The following DCHS1 variants were observed in gnomAD, a reference collection of about 807,000 sequenced individuals.
The protein encoded by DCHS1 is dachsous cadherin-related 1.
Under a neutral mutation model 213.9 loss-of-function variants are expected in DCHS1, and 78 were observed. The observed-to-expected ratio is 0.36, with a 90% CI of 0.30 to 0.44. The LOEUF (loss-of-function observed/expected upper bound fraction) is 0.44, where lower values mean the gene tolerates loss of function less well. Among genes scored for constraint, DCHS1 ranks in the 20% least tolerant of loss-of-function variants. The pLI is 1.00. For missense variants in DCHS1, 3,946 were observed against 4,395.9 expected (o/e 0.90, Z 2.89); for synonymous variants, 1,828 against 1,873.7 (o/e 0.98, Z 0.63).
In DCHS1 at chr11:6,630,484, G is replaced by T; in HGVS notation, c.4310C>A (p.Ala1437Glu). 6.5e-7 allele frequency: 1 copy of T among 1,533,232 alleles called. No individual in the cohort carries two copies. Among genetic ancestry groups the T allele is most frequent in the South Asian group, 1.2e-5 (1 of 84,656 alleles). The allele number at this position is 1,533,232 out of a possible 1,614,324, so 95.0% of individuals were successfully genotyped here. Residue 1437 changes from alanine (A) to glutamate (E), a missense_variant, in exon 10 of 21, where the codon GCG becomes GAG. Around this residue, in one of 3 missense-constraint regions of DCHS1, gnomAD observed 3,384 missense variants for 3,780.1 expected, o/e 0.90. Coordinates refer to ENST00000299441, the MANE Select transcript of DCHS1 (RefSeq NM_003737.4). ...QDENEHAPAF[A>E]RDPLALALPE... is the part of the protein sequence containing the mutation. ...CAGCGCCAGCGCCAGCGGGTCGCGC[G>T]CAAAGGCGGGCGCATGCTCATTCTC... is the stretch of plus-strand genomic sequence containing the variant.
In DCHS1 at chr11:6,624,262, G is replaced by T. The variant is rs545691846; in HGVS notation, c.7414C>A (p.Leu2472Met). The change falls in exon 21 of 21, where the codon CTG becomes ATG. Residue 2472 changes from leucine to methionine, a missense_variant. Leu to Met is a conservative substitution (Grantham distance 15). Coordinates refer to ENST00000299441, the MANE Select transcript of DCHS1 (RefSeq NM_003737.4). ...RAARATVHVQLQDQNDHAPSF... is the reference protein window; with the variant it reads ...RAARATVHVQMQDQNDHAPSF... ...GGGGCGTGGTCGTTCTGGTCCTGCA[G>T]CTGCACGTGCACTGTGGCTCGTGCT... is the stretch of plus-strand genomic sequence containing the variant. 6.2e-7 allele frequency: 1 copy of T among 1,611,548 alleles called. No individual in the cohort carries two copies. The highest frequency in any genetic ancestry group is 1.1e-5 in the South Asian group (1 of 90,652).
Position 6,640,931 on chromosome 11 carries a change from T to C in DCHS1, c.683A>G (p.Tyr228Cys), listed in dbSNP as rs146693870. ...RSHYMLQLEAYDGGSPPRRAQ... is the reference protein window; with the variant it reads ...RSHYMLQLEACDGGSPPRRAQ... Reference sequence around the variant, plus strand: ...CCTCCGGGGGGGTGAACCACCATCATAGGCCTCCAGCTGTAGCATATAGTG... The same window carrying C: ...CCTCCGGGGGGGTGAACCACCATCACAGGCCTCCAGCTGTAGCATATAGTG... Residue 228 changes from tyrosine (Y) to cysteine (C), a missense_variant, in exon 2 of 21, where the codon TAT becomes TGT. Around this residue, in one of 3 missense-constraint regions of DCHS1, gnomAD observed 3,384 missense variants for 3,780.1 expected, o/e 0.90. Transcript: ENST00000299441. The surrounding 1 kb of genome is among the most constrained non-coding windows in gnomAD (Gnocchi z 6.5). 41 of 1,613,908 alleles carry C rather than the reference T, an allele frequency of 2.5e-5. No homozygotes were observed. Among genetic ancestry groups the C allele is most frequent in the Non-Finnish European group, 3.1e-5 (37 of 1,179,898 alleles).
rs768737101 is a variant in DCHS1 at position 6,625,356 on chromosome 11, G to A, written c.6988C>T (p.Arg2330Cys). ...DPFSVGRYGG[R>C]VSLTGPLDFE... ...TCCAGGGGCCCCGTGAGGGAGACAC[G>A]GCCTCCATAGCGGCCAACACTGAAG... The change falls in exon 19 of 21, where the codon CGT becomes TGT. Residue 2330 changes from arginine (R) to cysteine (C), a missense_variant. By Grantham distance (180) the Arg-to-Cys change is radical. Coordinates refer to ENST00000299441, the MANE Select transcript of DCHS1 (RefSeq NM_003737.4). The surrounding 1 kb of genome is among the most constrained non-coding windows in gnomAD (Gnocchi z 5.3). 3.3e-5 allele frequency: 54 copies of A among 1,613,582 alleles called. No individual in the cohort carries two copies. The highest frequency in any genetic ancestry group is 5.0e-5 in the Admixed American group (3 of 59,968).
At position 6,630,406 on chromosome 11, in the gene DCHS1, G is replaced by GC; in HGVS notation, c.4387dup (p.Ala1463GlyfsTer8). ...GTCGCTATTGGGGCCGGGGCCGTCG[G>GC]CGTCCGACGCGCGGAAAGTGTACAG... On this transcript the variant is annotated frameshift_variant, in exon 10 of 21. Coordinates refer to ENST00000299441, the MANE Select transcript of DCHS1 (RefSeq NM_003737.4). LOFTEE classifies it high-confidence loss of function. 7.0e-7 allele frequency: 1 copy of GC among 1,429,580 alleles called. No homozygotes were observed. The highest frequency in any genetic ancestry group is 9.1e-7 in the Non-Finnish European group (1 of 1,096,736). The allele number at this position is 1,429,580 out of a possible 1,614,324, so 88.6% of individuals were successfully genotyped here.
At position 6,641,189 on chromosome 11, in the gene DCHS1, G is replaced by T; in HGVS notation, c.425C>A (p.Ala142Asp). ...RVADINDHAP[A>D]FPQARAALQV... ...CAGGGCAGCCCGAGCCTGTGGGAAG[G>T]CTGGAGCATGGTCGTTGATGTCAGC... The change falls in exon 2 of 21, where the codon GCC becomes GAC. Residue 142 changes from alanine to aspartate, a missense_variant. Around this residue, in one of 3 missense-constraint regions of DCHS1, gnomAD observed 3,384 missense variants for 3,780.1 expected, o/e 0.90. Coordinates refer to ENST00000299441, the MANE Select transcript of DCHS1 (RefSeq NM_003737.4). This position sits in a 1 kb window ranked among gnomAD's most constrained non-coding sequence, Gnocchi z 7.1. The T allele has an allele frequency of 6.2e-7, 1 of 1,613,640 alleles. No homozygotes were observed. The highest frequency in any genetic ancestry group is 8.5e-7 in the Non-Finnish European group (1 of 1,179,878).
intron 1 of DCHS1, among the ~76,000 whole-genome samples, chr11:6,649,425 A>C (rs979351545): frequency 2.0e-5 from 3 of 152,048 alleles, no homozygotes; most frequent in Non-Finnish European, 2.9e-5. Flanking sequence ...GACAATTGTC[A>C]GTCCAGGTGA....
Position 6,641,576 on chromosome 11 carries a change from C to T in DCHS1, c.38G>A (p.Gly13Asp), listed in dbSNP as rs1264227998. Residue 13 changes from glycine to aspartate, a missense_variant, in exon 2 of 21, where the codon GGC becomes GAC. Gly to Asp is a moderately conservative substitution (Grantham distance 94, BLOSUM62 -1). Around this residue, in one of 3 missense-constraint regions of DCHS1, gnomAD observed 3,384 missense variants for 3,780.1 expected, o/e 0.90. Coordinates refer to ENST00000299441, the MANE Select transcript of DCHS1 (RefSeq NM_003737.4). This position sits in a 1 kb window ranked among gnomAD's most constrained non-coding sequence, Gnocchi z 7.1. The stretch of plus-strand genomic sequence containing the variant: ...GAGGTGGGGCCTGGGGCTCTTCATG[C>T]CAGGGCAGGAAGGCACAATGCCCAG... ...KELGIVPSCP[G>D]MKSPRPHLLL... The T allele has an allele frequency of 1.3e-6, 2 of 1,550,702 alleles. No individual in the cohort carries two copies. The highest frequency in any genetic ancestry group is 4.9e-5 in the East Asian group (2 of 40,902).
chr11:6,625,226 G>C lies in DCHS1; in HGVS notation c.7118C>G (p.Ala2373Gly). The change falls in exon 19 of 21, where the codon GCA becomes GGA. Residue 2373 changes from alanine to glycine, a missense_variant. Physicochemically the swap from Ala to Gly is moderately conservative, Grantham distance 60 (BLOSUM62 0). Around this residue, in one of 3 missense-constraint regions of DCHS1, gnomAD observed 3,384 missense variants for 3,780.1 expected, o/e 0.90. Coordinates refer to ENST00000299441, the MANE Select transcript of DCHS1 (RefSeq NM_003737.4). The surrounding 1 kb of genome is among the most constrained non-coding windows in gnomAD (Gnocchi z 5.3). ...GTAGAGGCTCTGTGAGAAGGCAGGT[G>C]CATTGTCATTGACATCCTCCACAAG... ...TVLVEDVNDN[A>G]PAFSQSLYQV... 6.2e-7 allele frequency: 1 copy of C among 1,605,510 alleles called. No individual in the cohort carries two copies. The highest frequency in any genetic ancestry group is 1.1e-5 in the South Asian group (1 of 89,976).
chr11:6,655,443 TC>T (rs1216100600), intron 1 of DCHS1, 119 bp downstream of exon 1: 5 of 474,278 alleles, frequency 1.1e-5, no homozygotes, highest in Non-Finnish European at 1.3e-5. Flanking sequence ...AGGCCCCCCC[TC>T]CCCCATTGTC....
Position 6,632,553 on chromosome 11 carries a change from C to T in DCHS1, c.2959G>A (p.Val987Met), listed in dbSNP as rs1438453913. ...CCACGGGTTCCCACATCCTGTACCA[C>T]CACCCGTAGTCGAAAGTGGCTGGTG... ...PRTSHFRLRVVVQDVGTRGLA... is the reference protein window; with the variant it reads ...PRTSHFRLRVMVQDVGTRGLA... Residue 987 changes from valine to methionine, a missense_variant, in exon 6 of 21, where the codon GTG (valine) becomes ATG (methionine). Around this residue, in one of 3 missense-constraint regions of DCHS1, gnomAD observed 3,384 missense variants for 3,780.1 expected, o/e 0.90. Transcript: ENST00000299441. The surrounding 1 kb of genome is among the most constrained non-coding windows in gnomAD (Gnocchi z 5.9). The T allele has an allele frequency of 1.3e-6, 2 of 1,523,750 alleles. No individual in the cohort carries two copies. The highest frequency in any genetic ancestry group is 8.8e-7 in the Non-Finnish European group (1 of 1,132,734). The allele number at this position is 1,523,750 out of a possible 1,614,324, so 94.4% of individuals were successfully genotyped here.
In DCHS1 at chr11:6,633,023, C is replaced by T. The variant is rs769264786; in HGVS notation, c.2489G>A (p.Gly830Asp). The T allele has an allele frequency of 1.2e-6, 2 of 1,610,010 alleles. No homozygotes were observed. Among genetic ancestry groups the T allele is most frequent in the South Asian group, 1.1e-5 (1 of 90,950 alleles). ...GGAGAAGAGTCCTCGGGGATCCCCA[C>T]CTGATAGGGAAAGGGTCACAGGTGC... ...RLAPVTLSLSGGDPRGLFSLD... is the reference protein window; with the variant it reads ...RLAPVTLSLSDGDPRGLFSLD... The change falls in exon 6 of 21, where the codon GGT (glycine) becomes GAT (aspartate). Residue 830 changes from glycine to aspartate, a missense_variant. Physicochemically the swap from Gly to Asp is moderately conservative, Grantham distance 94. Around this residue, in one of 3 missense-constraint regions of DCHS1, gnomAD observed 3,384 missense variants for 3,780.1 expected, o/e 0.90. Transcript: ENST00000299441.
Position 6,622,035 on chromosome 11 carries a change from T to G in DCHS1, c.9641A>C (p.Lys3214Thr). ...GTTTGCTGGCTTGGGGGGCACAGAC[T>G]TGGCTCCTGGGTGGGCCACGGCAGT... ...LITAVAHPGA[K>T]SVPPKPANTA... The change falls in exon 21 of 21, where the codon AAG becomes ACG. Residue 3214 changes from lysine (K) to threonine (T), a missense_variant. Around this residue, in one of 3 missense-constraint regions of DCHS1, gnomAD observed 554 missense variants for 590.2 expected, o/e 0.94. Transcript: ENST00000299441. The surrounding 1 kb of genome is among the most constrained non-coding windows in gnomAD (Gnocchi z 5.4). 1 of 1,612,924 alleles carries G rather than the reference T, an allele frequency of 6.2e-7. No homozygotes were observed. Among genetic ancestry groups the G allele is most frequent in the Non-Finnish European group, 8.5e-7 (1 of 1,179,662 alleles).
In DCHS1 at chr11:6,645,730, A is replaced by G. The variant is rs184005525; in HGVS notation, c.-120-3997T>C. Among the ~76,000 whole-genome samples, 111 of 152,252 alleles carry G rather than the reference A, an allele frequency of 7.3e-4. 3 individuals carry two copies. The South Asian group carries it at 0.02, about 27-fold the overall frequency. On this transcript the variant is annotated intron_variant, in intron 1 of 20. Transcript: ENST00000299441. ...CTCAACCTGTGCTCCTACCACTGCA[A>G]ACTCTTGCAGAACACTTTCACGGTG...
rs1397060999 is a variant in DCHS1, at chr11:6,633,566, G to A, written c.2301C>T (p.Gly767=). ...CTCGGGCACTGGGTTCTGCCTGTAG[G>A]CCACCTCCGTCCTCAGCCCCGATCT... The part of the protein sequence containing the change: ...QLEIGAEDGG[G]LQAEPSARVD... Residue 767 remains glycine, a synonymous_variant, in exon 5 of 21, where the codon GGC becomes GGT. Transcript: ENST00000299441. 8.2e-6 allele frequency: 13 copies of A among 1,592,146 alleles called. No homozygotes were observed. Among genetic ancestry groups the A allele is most frequent in the Non-Finnish European group, 1.1e-5 (13 of 1,169,212 alleles).
Position 6,622,092 on chromosome 11 carries a change from G to A in DCHS1, c.9584C>T (p.Pro3195Leu). 1.2e-6 allele frequency: 2 copies of A among 1,613,104 alleles called. No homozygotes were observed. The highest frequency in any genetic ancestry group is 1.7e-6 in the Non-Finnish European group (2 of 1,179,758). The stretch of plus-strand genomic sequence containing the variant: ...GGGTGGTGGGTCGATACGGGGAGCT[G>A]GGGGACATGGCCGAGCTTCATCCTT... Reference protein sequence around the residue: ...RLKDEARPCPPAPRIDPPPLI... With the variant: ...RLKDEARPCPLAPRIDPPPLI... The change falls in exon 21 of 21, where the codon CCA becomes CTA. Residue 3195 changes from proline (P) to leucine (L), a missense_variant. Around this residue, in one of 3 missense-constraint regions of DCHS1, gnomAD observed 554 missense variants for 590.2 expected, o/e 0.94. Coordinates refer to ENST00000299441, the MANE Select transcript of DCHS1 (RefSeq NM_003737.4). The surrounding 1 kb of genome is among the most constrained non-coding windows in gnomAD (Gnocchi z 5.4).
At position 6,641,721 on chromosome 11, in the gene DCHS1, C is replaced by T. The variant is rs1247141191; in HGVS notation, c.-108G>A. The T allele has an allele frequency of 2.8e-6, 4 of 1,444,112 alleles. No individual in the cohort carries two copies. The African/African-American group carries it at 5.7e-5, about 21-fold the overall frequency. 89.5% of individuals were successfully genotyped at this position (1,444,112 alleles called of 1,614,324 possible). On this transcript the variant is annotated 5_prime_UTR_variant, in exon 2 of 21. Transcript: ENST00000299441. This position sits in a 1 kb window ranked among gnomAD's most constrained non-coding sequence, Gnocchi z 7.1. ...TCCCACTGGGGCCCTGGCTCCAGCT[C>T]AGGCTCCCTGACCTGGGAGAAAACA... is the stretch of plus-strand genomic sequence containing the variant.
Position 6,630,601 on chromosome 11 carries a change from G to A in DCHS1, c.4193C>T (p.Ala1398Val), listed in dbSNP as rs1330516916. ...CGTAAGCGCGCGCCACGGCGGGCCAGCTTCGAAGTCCAGGGGCCGCGCCAG... is the reference window on the plus strand; with the variant it reads ...CGTAAGCGCGCGCCACGGCGGGCCAACTTCGAAGTCCAGGGGCCGCGCCAG... Reference protein sequence around the residue: ...LYLARPLDFEAGPPWRALTVR... With the variant: ...LYLARPLDFEVGPPWRALTVR... Residue 1398 changes from alanine (A) to valine (V), a missense_variant, in exon 10 of 21, where the codon GCT (alanine) becomes GTT (valine). Coordinates refer to ENST00000299441, the MANE Select transcript of DCHS1 (RefSeq NM_003737.4). 9.7e-6 allele frequency: 15 copies of A among 1,542,306 alleles called. No individual in the cohort carries two copies. Among genetic ancestry groups the A allele is most frequent in the East Asian group, 2.4e-5 (1 of 41,718 alleles).
In DCHS1 at chr11:6,649,015, T is replaced by C. The variant is rs187542295; in HGVS notation, c.-121+6548A>G. Among the ~76,000 whole-genome samples the C allele has an allele frequency of 5.9e-5, 9 of 152,162 alleles. No individual in the cohort carries two copies. The East Asian group carries it at 1.5e-3, about 26-fold the overall frequency. On this transcript the variant is annotated intron_variant, in intron 1 of 20. Coordinates refer to ENST00000299441, the MANE Select transcript of DCHS1 (RefSeq NM_003737.4). ...GGTTTAAAGTGCTTACCTTAAATGG[T>C]TGATATGAGAGTTAATGAAATAATG...
chr11:6,630,500 G>A lies in DCHS1; in HGVS notation c.4294C>T (p.His1432Tyr), dbSNP rs1286125983. The stretch of plus-strand genomic sequence containing the variant: ...GGGTCGCGCGCAAAGGCGGGCGCAT[G>A]CTCATTCTCGTCCTGCACTTGCACC... ...VQVQVQDENE[H>Y]APAFARDPLA... Residue 1432 changes from histidine (H) to tyrosine (Y), a missense_variant, in exon 10 of 21, where the codon CAT becomes TAT. Around this residue, in one of 3 missense-constraint regions of DCHS1, gnomAD observed 3,384 missense variants for 3,780.1 expected, o/e 0.90. Transcript: ENST00000299441. 3.9e-6 allele frequency: 6 copies of A among 1,538,162 alleles called. No homozygotes were observed. Among genetic ancestry groups the A allele is most frequent in the Non-Finnish European group, 5.2e-6 (6 of 1,148,760 alleles).
Sources: allele counts gnomAD v4.1 joint callset (sites outside exome capture counted in the v4.1 genomes callset), GRCh38; gene constraint gnomAD v4.1.1; regional missense constraint gnomAD v4.1.1; non-coding constraint Gnocchi (gnomAD v3.1); transcripts MANE v1.5; gene names NCBI Gene and HGNC (gene_info 2026-07-23, HGNC 2026-07-21).